Variants in NCOA3 observed in about 807,000 individuals in gnomAD.
NCOA3 encodes nuclear receptor coactivator 3.
A neutral mutation model predicts 158.8 loss-of-function variants in NCOA3; 51 were observed. The observed-to-expected ratio is 0.32, with a 90% CI of 0.26 to 0.41. The LOEUF is 0.41. Among genes scored for constraint, NCOA3 ranks in the 10% least tolerant of loss-of-function variants. The pLI is 1.00. For missense variants in NCOA3, 1,510 were observed against 1,746.6 expected (o/e 0.86, Z 2.41); for synonymous variants, 537 against 592.4 (o/e 0.91, Z 1.36).
intron 1 of NCOA3, among the ~76,000 whole-genome samples, chr20:47,563,762 G>A (rs575322264): frequency 2.0e-5 from 3 of 151,690 alleles, no homozygotes; most frequent in Non-Finnish European, 4.4e-5. Flanking sequence ...GGTGGCAGGC[G>A]CCTGTAGACC....
intron 17 of NCOA3, 75 bp from the exon 18 acceptor site, chr20:47,646,998 C>G (rs1419973672): frequency 5.0e-6 from 7 of 1,393,162 alleles, no homozygotes; most frequent in Non-Finnish European, 5.9e-6. Context: ...ATGTTTTTTG[C>G]ACTTTCTTTA....
chr20:47,620,085 C>T lies in NCOA3; in HGVS notation c.-19-2144C>T, dbSNP rs549653285. On this transcript the variant is annotated intron_variant, in intron 2 of 22. Coordinates refer to ENST00000371998, the MANE Select transcript of NCOA3 (RefSeq NM_181659.3). ...GTGGGATTACAGGCGTGAGCCACTGCACCTGGCTCTTTAATTATTCAATTT... is the reference window on the plus strand; with the variant it reads ...GTGGGATTACAGGCGTGAGCCACTGTACCTGGCTCTTTAATTATTCAATTT... Among the ~76,000 whole-genome samples, 17 of 121,070 alleles carry T rather than the reference C, an allele frequency of 1.4e-4. No individual in the cohort carries two copies. The East Asian group carries it at 2.8e-3, about 20-fold the overall frequency. The allele number at this position is 121,070 out of a possible 152,430, so 79.4% of individuals were successfully genotyped here.
chr20:47,536,039 C>T (rs1225992093), intron 1 of NCOA3, among the ~76,000 whole-genome samples: 2 of 152,198 alleles, frequency 1.3e-5, no homozygotes, highest in Non-Finnish European at 1.5e-5. Flanking sequence ...GATGTCCAGC[C>T]GCTTGTGTGT....
chr20:47,548,402 G>A (rs2084867750), intron 1 of NCOA3, among the ~76,000 whole-genome samples: 1 of 151,750 alleles, frequency 6.6e-6, no homozygotes, highest in Non-Finnish European at 1.5e-5. Flanking sequence ...AAATTAGCTG[G>A]GCATGGTGGC....
intron 8 of NCOA3, chr20:47,628,291 C>T (rs1348882410): frequency 1.6e-5 from 5 of 316,158 alleles, no homozygotes; most frequent in African/African-American, 8.6e-5. Context: ...CTGGTTTTCT[C>T]TCCAAATTGC....
chr20:47,620,663 A>G (rs537058271), intron 2 of NCOA3, among the ~76,000 whole-genome samples: 1 of 152,350 alleles, frequency 6.6e-6, no homozygotes, highest in African/African-American at 2.4e-5. Context: ...TTGCATATGT[A>G]ATAGCCTGTT....
chr20:47,648,675 G>C (rs138411675), intron 18 of NCOA3, among the ~76,000 whole-genome samples: 183 of 152,112 alleles, frequency 1.2e-3, no homozygotes, highest in African/African-American at 4.1e-3. Context: ...ATGTTGCCCA[G>C]ACTGATCTCA....
chr20:47,544,786 C>G (rs2084802038), intron 1 of NCOA3, among the ~76,000 whole-genome samples: 1 of 152,170 alleles, frequency 6.6e-6, no homozygotes, highest in South Asian at 2.1e-4. Flanking sequence ...AACATATAGT[C>G]ATTATGTAGT....
chr20:47,530,333 A>G (rs1323848788), intron 1 of NCOA3, among the ~76,000 whole-genome samples: 1 of 152,224 alleles, frequency 6.6e-6, no homozygotes, highest in African/African-American at 2.4e-5. Context: ...TTTTATACAT[A>G]CAGAAGAATG....
At chr20:47,620,913 T>C (rs1467505509) in intron 2 of NCOA3, among the ~76,000 whole-genome samples, 1 of 152,234 alleles carries the variant, frequency 6.6e-6, no homozygotes, top group African/African-American at 2.4e-5. Context: ...CTGGACTGTT[T>C]ACAGACTTTC....
chr20:47,539,709 T>C (rs2084691500), intron 1 of NCOA3, among the ~76,000 whole-genome samples: 1 of 152,210 alleles, frequency 6.6e-6, no homozygotes, highest in African/African-American at 2.4e-5. Context: ...CCATCAATTA[T>C]AGAACACAAC....
At position 47,639,759 on chromosome 20, in the gene NCOA3, C is replaced by A; in HGVS notation, c.2890C>A (p.Arg964=). 1 of 1,614,182 alleles carries A rather than the reference C, an allele frequency of 6.2e-7. No individual in the cohort carries two copies. Among genetic ancestry groups the A allele is most frequent in the Non-Finnish European group, 8.5e-7 (1 of 1,180,036 alleles). ...LGGSIPTLPL[R]SNSIPGARPV... ...TGGCTCTATTCCCACATTGCCTCTT[C>A]GGTCTAATAGCATACCAGGTGCGAG... is the stretch of plus-strand genomic sequence containing the variant. The change falls in exon 15 of 23, where the codon CGG becomes AGG. Residue 964 remains arginine, a synonymous_variant. Transcript: ENST00000371998.
chr20:47,541,323 C>A (rs1357511841), intron 1 of NCOA3, among the ~76,000 whole-genome samples: 1 of 64,806 alleles, frequency 1.5e-5, no homozygotes, highest in Non-Finnish European at 3.1e-5. Flanking sequence ...CTCTGTCCCC[C>A]CTCCCCCTCC....
chr20:47,579,404 A>G (rs1422603032), intron 1 of NCOA3, among the ~76,000 whole-genome samples: 2 of 152,154 alleles, frequency 1.3e-5, no homozygotes, highest in African/African-American at 4.8e-5. Context: ...TGTCAGTATG[A>G]TTTGGTTTTT....
intron 8 of NCOA3, among the ~76,000 whole-genome samples, chr20:47,631,860 T>C (rs2086423506): frequency 6.6e-6 from 1 of 152,238 alleles, no homozygotes; most frequent in African/African-American, 2.4e-5. Context: ...TTGTGTGATA[T>C]ATATTCTGTA....
chr20:47,635,960 C>T lies in NCOA3; in HGVS notation c.1574C>T (p.Ala525Val). The change falls in exon 12 of 23, where the codon GCC becomes GTC. Residue 525 changes from alanine to valine, a missense_variant. Coordinates refer to ENST00000371998, the MANE Select transcript of NCOA3 (RefSeq NM_181659.3). The part of the protein sequence containing the change: ...NHSFSSSSLS[A>V]LQAISEGVGT... ...AGCTTTTCCAGCAGCTCTCTCAGTGCCCTGCAAGCCATCAGTGAAGGTGTG... is the reference window on the plus strand; with the variant it reads ...AGCTTTTCCAGCAGCTCTCTCAGTGTCCTGCAAGCCATCAGTGAAGGTGTG... The T allele has an allele frequency of 6.2e-7, 1 of 1,613,878 alleles. No individual in the cohort carries two copies. Among genetic ancestry groups the T allele is most frequent in the East Asian group, 2.2e-5 (1 of 44,878 alleles).
intron 1 of NCOA3, among the ~76,000 whole-genome samples, chr20:47,569,206 G>A (rs757932952): frequency 3.3e-5 from 5 of 151,854 alleles, no homozygotes; most frequent in Admixed American, 6.6e-5. Flanking sequence ...AATTAGCTGG[G>A]CATGGTGGCA....
At chr20:47,539,182 G>A (rs981135842) in intron 1 of NCOA3, among the ~76,000 whole-genome samples, 1 of 152,100 alleles carries the variant, frequency 6.6e-6, no homozygotes, top group African/African-American at 2.4e-5. Flanking sequence ...GCCAGGCATG[G>A]TGGCATGTTC....
At chr20:47,522,508 G>T (rs959829459) in intron 1 of NCOA3, among the ~76,000 whole-genome samples, 3 of 151,508 alleles carry the variant, frequency 2.0e-5, no homozygotes, top group Non-Finnish European at 4.4e-5. Flanking sequence ...GAAGGAGGGG[G>T]GCTCCAAAAC....
Sources: allele counts gnomAD v4.1 joint callset (sites outside exome capture counted in the v4.1 genomes callset), GRCh38; gene constraint gnomAD v4.1.1; transcripts MANE v1.5; gene names NCBI Gene and HGNC (gene_info 2026-07-23, HGNC 2026-07-21).